PTP4A3: variants seen among roughly 807,000 people sequenced by gnomAD.
PTP4A3 encodes protein tyrosine phosphatase type IVA 3.
Under a neutral mutation model 15.2 loss-of-function variants are expected in PTP4A3, and 9 were observed. The observed-to-expected ratio is 0.59, with a 90% CI of 0.36 to 1.03. PTP4A3 has a LOEUF of 1.03. PTP4A3 is among the 50% of genes least tolerant of loss of function. The probability of loss-of-function intolerance (pLI) is 0.02; values close to 1 mark genes in which losing one functional copy is unlikely to be tolerated. For synonymous variants in PTP4A3, 95 were observed against 102.0 expected (o/e 0.93, Z 0.41); for missense variants, 234 against 252.1 (o/e 0.93, Z 0.49).
chr8:141,411,971 G>T (rs537625785), intron 1 of PTP4A3, among the ~76,000 whole-genome samples: 1 of 152,344 alleles, frequency 6.6e-6, no homozygotes, highest in Non-Finnish European at 1.5e-5. Flanking sequence ...TCCACAAAAT[G>T]GGGTGATGGG....
At chr8:141,410,835 C>T (rs1319316830) in intron 1 of PTP4A3, among the ~76,000 whole-genome samples, 2 of 152,184 alleles carry the variant, frequency 1.3e-5, no homozygotes. Flanking sequence ...GAGCAATGGC[C>T]AGGCCTTGCG....
rs1250086360 is a variant in PTP4A3, at chr8:141,425,855, C to A, written c.198+715C>A. Among the ~76,000 whole-genome samples the A allele has an allele frequency of 6.6e-6, 1 of 152,186 alleles. No homozygotes were observed. The highest frequency in any genetic ancestry group is 1.5e-5 in the Non-Finnish European group (1 of 68,020). On this transcript the variant is annotated intron_variant, in intron 3 of 5. Coordinates refer to ENST00000521578, the MANE Select transcript of PTP4A3 (RefSeq NM_032611.3). This position sits in a 1 kb window ranked among gnomAD's most constrained non-coding sequence, Gnocchi z 4.2. ...CGGTTTGGAATGGTGGCAGCGCTGGCGGTTTGGGGTCAGACAGGCCTTGGG... is the reference window on the plus strand; with the variant it reads ...CGGTTTGGAATGGTGGCAGCGCTGGAGGTTTGGGGTCAGACAGGCCTTGGG...
chr8:141,413,037 G>C (rs1167799484), intron 1 of PTP4A3, among the ~76,000 whole-genome samples: 2 of 152,204 alleles, frequency 1.3e-5, no homozygotes, highest in Admixed American at 1.3e-4. Context: ...CAGCAGGAGG[G>C]ACCATCAGGC....
chr8:141,420,821 G>A (rs939480504), intron 1 of PTP4A3, among the ~76,000 whole-genome samples: 12 of 152,238 alleles, frequency 7.9e-5, no homozygotes, highest in East Asian at 3.8e-4. Context: ...GCCCACGGCC[G>A]CGTGTGGGGC....
intron 1 of PTP4A3, among the ~76,000 whole-genome samples, chr8:141,401,841 G>A (rs570372658): frequency 2.0e-5 from 3 of 152,272 alleles, no homozygotes; most frequent in South Asian, 2.1e-4. Context: ...TTTACCGAGC[G>A]CATCCATCTG....
At position 141,406,843 on chromosome 8, in the gene PTP4A3, C is replaced by T. The variant is rs951364229; in HGVS notation, c.-853-14545C>T. Reference sequence around the variant, plus strand: ...TTTGCCTCCTGCTGTTCCCACTGAGCGAATTAAATAAGTCTTTGCCCTGTG... The same window carrying T: ...TTTGCCTCCTGCTGTTCCCACTGAGTGAATTAAATAAGTCTTTGCCCTGTG... On this transcript the variant is annotated intron_variant, in intron 1 of 5. Coordinates refer to ENST00000521578, the MANE Select transcript of PTP4A3 (RefSeq NM_032611.3). The surrounding 1 kb of genome is among the most constrained non-coding windows in gnomAD (Gnocchi z 4.5). Among the ~76,000 whole-genome samples the T allele has an allele frequency of 2.0e-5, 3 of 152,196 alleles. No homozygotes were observed. Among genetic ancestry groups the T allele is most frequent in the Non-Finnish European group, 4.4e-5 (3 of 68,034 alleles).
At chr8:141,396,705 G>C (rs1832459417) in intron 1 of PTP4A3, among the ~76,000 whole-genome samples, 1 of 152,222 alleles carries the variant, frequency 6.6e-6, no homozygotes, top group African/African-American at 2.4e-5. Flanking sequence ...AGGGTGGGGA[G>C]ACGGTGGCCT....
intron 3 of PTP4A3, chr8:141,426,704 C>T (rs1267588947): frequency 4.1e-6 from 4 of 977,776 alleles, no homozygotes; most frequent in Non-Finnish European, 4.9e-6. Flanking sequence ...GGAAGGCTTC[C>T]TGGAGGAGGG....
chr8:141,397,374 G>A (rs1164040804), intron 1 of PTP4A3, among the ~76,000 whole-genome samples: 4 of 152,242 alleles, frequency 2.6e-5, no homozygotes, highest in African/African-American at 9.6e-5. Flanking sequence ...GCCCCCGGGT[G>A]GGCTGAAACT....
chr8:141,414,143 A>G (rs1461293034), intron 1 of PTP4A3, among the ~76,000 whole-genome samples: 1 of 152,084 alleles, frequency 6.6e-6, no homozygotes, highest in African/African-American at 2.4e-5. Flanking sequence ...AGAGCTTCCC[A>G]TTGGGCGGTT....
rs1035010555 is a variant in PTP4A3, at chr8:141,427,831, G to T, written c.404+7G>T. 2.6e-6 allele frequency: 4 copies of T among 1,549,128 alleles called. No homozygotes were observed. Among genetic ancestry groups the T allele is most frequent in the Non-Finnish European group, 2.6e-6 (3 of 1,146,006 alleles). The stretch of plus-strand genomic sequence containing the variant: ...CCATCCAGTTCATCCGCCAGTGAGT[G>T]GCCGCGGTGGTGGGGTGGGCTGTGA... On this transcript the variant is annotated splice_region_variant and intron_variant, in intron 5 of 5. Coordinates refer to ENST00000521578, the MANE Select transcript of PTP4A3 (RefSeq NM_032611.3).
Position 141,425,618 on chromosome 8 carries a change from A to G in PTP4A3, c.198+478A>G, listed in dbSNP as rs1378626964. Among the ~76,000 whole-genome samples the G allele has an allele frequency of 8.2e-6, 1 of 122,662 alleles. No individual in the cohort carries two copies. The highest frequency in any genetic ancestry group is 1.6e-5 in the Non-Finnish European group (1 of 60,786). 80.5% of individuals were successfully genotyped at this position (122,662 alleles called of 152,430 possible). ...GGGGGTGGGGCGGTTCTGCTGCGATATCCTTGGGGGGGTGGGCCACAGCAG... is the reference window on the plus strand; with the variant it reads ...GGGGGTGGGGCGGTTCTGCTGCGATGTCCTTGGGGGGGTGGGCCACAGCAG... On this transcript the variant is annotated intron_variant, in intron 3 of 5. Coordinates refer to ENST00000521578, the MANE Select transcript of PTP4A3 (RefSeq NM_032611.3). The surrounding 1 kb of genome is among the most constrained non-coding windows in gnomAD (Gnocchi z 4.2).
At chr8:141,393,478 T>C (rs920038139) in intron 1 of PTP4A3, among the ~76,000 whole-genome samples, 1 of 152,200 alleles carries the variant, frequency 6.6e-6, no homozygotes, top group African/African-American at 2.4e-5. Flanking sequence ...CCCCAACGTG[T>C]TCTCCAAGCA....
rs1375035560 is a variant in PTP4A3, at chr8:141,431,123, T to TGCCCA, written c.*87_*91dup. On this transcript the variant is annotated 3_prime_UTR_variant, in exon 6 of 6. Transcript: ENST00000521578. ...CTGGAGGCCCTGCCCAGCCCTGCTC[T>TGCCCA]GCCCAGCCCAGCAGGGGCTCCAGGC... 9 of 1,396,666 alleles carry TGCCCA rather than the reference T, an allele frequency of 6.4e-6. No homozygotes were observed. In the Admixed American group the frequency reaches 7.2e-5, roughly 11 times the overall value. 86.5% of individuals were successfully genotyped at this position (1,396,666 alleles called of 1,614,324 possible).
intron 1 of PTP4A3, among the ~76,000 whole-genome samples, chr8:141,414,337 G>A (rs376506040): frequency 3.0e-4 from 45 of 152,026 alleles, no homozygotes; most frequent in African/African-American, 8.7e-4. Context: ...AAAAGGGGCC[G>A]AGTGTGGCCC....
chr8:141,415,588 T>A (rs1008672411), intron 1 of PTP4A3, among the ~76,000 whole-genome samples: 10 of 129,638 alleles, frequency 7.7e-5, no homozygotes, highest in Non-Finnish European at 1.7e-4. Flanking sequence ...GCCTCCCACA[T>A]GACTCCGGGT....
intron 2 of PTP4A3, among the ~76,000 whole-genome samples, chr8:141,423,845 C>T (rs1476084003): frequency 2.6e-5 from 4 of 151,482 alleles, no homozygotes; most frequent in Non-Finnish European, 5.9e-5. Flanking sequence ...TGACCAGGAT[C>T]AGGGCTCAGT....
chr8:141,394,884 C>G (rs550773437), intron 1 of PTP4A3, among the ~76,000 whole-genome samples: 4 of 152,340 alleles, frequency 2.6e-5, no homozygotes, highest in African/African-American at 9.6e-5. Context: ...TTGGCATCGC[C>G]GCCGCCTGAC....
intron 2 of PTP4A3, among the ~76,000 whole-genome samples, chr8:141,424,513 G>A (rs1252739284): frequency 1.3e-5 from 2 of 152,050 alleles, no homozygotes; most frequent in Non-Finnish European, 1.5e-5. Context: ...AGCTGGGGTC[G>A]CTGTTCGGAT....
Sources: allele counts gnomAD v4.1 joint callset (sites outside exome capture counted in the v4.1 genomes callset), GRCh38; gene constraint gnomAD v4.1.1; non-coding constraint Gnocchi (gnomAD v3.1); transcripts MANE v1.5; gene names NCBI Gene and HGNC (gene_info 2026-07-23, HGNC 2026-07-21).